Variants in SVEP1 observed in about 807,000 individuals in gnomAD.
The protein encoded by SVEP1 is sushi, von Willebrand factor type A, EGF and pentraxin domain containing 1, also known as sushi, von Willebrand factor type A, EGF and pentraxin domain-containing protein 1.
A neutral mutation model predicts 367.3 loss-of-function variants in SVEP1; 164 were observed. The observed-to-expected ratio is 0.45, with a 90% confidence interval of 0.39 to 0.51. The LOEUF (loss-of-function observed/expected upper bound fraction) is 0.51, where lower values mean the gene tolerates loss of function less well. Ranked by LOEUF, SVEP1 falls within the 20% of genes least tolerant of loss-of-function variation. The probability of loss-of-function intolerance (pLI) is 0.00; values close to 1 mark genes in which losing one functional copy is unlikely to be tolerated. For missense variants in SVEP1, 4,117 were observed against 4,425.3 expected, an observed-to-expected ratio of 0.93 and a Z score of 1.98; for synonymous variants, 1,666 against 1,611.6, an observed-to-expected ratio of 1.03 and a Z score of -0.81.
chr9:110,450,665 G>A (rs1486196209), intron 23 of SVEP1, among the ~76,000 whole-genome samples: 1 of 151,688 alleles, frequency 6.6e-6, no homozygotes, highest in Non-Finnish European at 1.5e-5. Context: ...AGTAGAGACA[G>A]GGTTTCACCA....
At chr9:110,504,463 G>A (rs1195956470) in intron 5 of SVEP1, among the ~76,000 whole-genome samples, 1 of 152,114 alleles carries the variant, frequency 6.6e-6, no homozygotes, top group Non-Finnish European at 1.5e-5. Flanking sequence ...AGGAATGGTA[G>A]CCCAGCATAC....
At chr9:110,551,096 C>G (rs182529355) in intron 1 of SVEP1, among the ~76,000 whole-genome samples, 2 of 151,990 alleles carry the variant, frequency 1.3e-5, no homozygotes, top group Non-Finnish European at 2.9e-5. Flanking sequence ...ATGTTTATTC[C>G]GCAAGAATTC....
At chr9:110,399,138 A>G (rs974972290) in intron 40 of SVEP1, among the ~76,000 whole-genome samples, 3 of 152,236 alleles carry the variant, frequency 2.0e-5, no homozygotes, top group African/African-American at 7.2e-5. Context: ...AATGTGGCAT[A>G]TATACACCAT....
chr9:110,453,755 G>C (rs1015614292), intron 22 of SVEP1, among the ~76,000 whole-genome samples: 22 of 151,990 alleles, frequency 1.4e-4, no homozygotes, highest in African/African-American at 5.1e-4. Flanking sequence ...TGTAGTCTCA[G>C]CTACTTGGGA....
chr9:110,474,634 G>C (rs1274307473), intron 14 of SVEP1, among the ~76,000 whole-genome samples: 1 of 152,108 alleles, frequency 6.6e-6, no homozygotes, highest in Non-Finnish European at 1.5e-5. Context: ...CAATCTGGGA[G>C]GGGAAACCTG....
At chr9:110,490,048 AT>A (rs1357505813) in intron 8 of SVEP1, among the ~76,000 whole-genome samples, 8 of 152,326 alleles carry the variant, frequency 5.3e-5, no homozygotes, top group Non-Finnish European at 1.0e-4. Context: ...AAAACTTAAG[AT>A]GACTCTTAAA....
At position 110,435,226 on chromosome 9, in the gene SVEP1, G is replaced by A. The variant is rs1828415199; in HGVS notation, c.4888+15C>T. On this transcript the variant is annotated intron_variant, in intron 29 of 47. Coordinates refer to ENST00000374469, the MANE Select transcript of SVEP1 (RefSeq NM_153366.4). ...TCAAGAGATAGTGGAGTCTATGAAAGAAGGAAATTCTCACCAGAACAAAAT... is the reference window on the plus strand; with the variant it reads ...TCAAGAGATAGTGGAGTCTATGAAAAAAGGAAATTCTCACCAGAACAAAAT... The A allele has an allele frequency of 6.2e-7, 1 of 1,611,306 alleles. No individual in the cohort carries two copies. Among genetic ancestry groups the A allele is most frequent in the South Asian group, 1.1e-5 (1 of 90,984 alleles).
intron 3 of SVEP1, among the ~76,000 whole-genome samples, chr9:110,537,121 C>A (rs369925821): frequency 6.6e-6 from 1 of 151,762 alleles, no homozygotes. Context: ...GATAGATAAC[C>A]GATGTTATTT....
At chr9:110,482,717 A>G (rs12115789) in intron 10 of SVEP1, among the ~76,000 whole-genome samples, 4,287 of 152,202 alleles carry the variant, frequency 0.028, 193 homozygotes, top group African/African-American at 0.098. Flanking sequence ...AGTTAGAGAC[A>G]GGGTTTCACC....
At chr9:110,528,156 G>GTGTGTGTATGTATATATATATA in intron 3 of SVEP1, among the ~76,000 whole-genome samples, 11 of 33,950 alleles carry the variant, frequency 3.2e-4, no homozygotes, top group Admixed American at 9.1e-4. Flanking sequence ...GTGTGTGTGT[G>GTGTGTGTATGTATATATATATA]TATATATATA....
chr9:110,457,470 T>G (rs1259128853), intron 20 of SVEP1, 118 bp from the exon 21 acceptor site: 4 of 766,256 alleles, frequency 5.2e-6, no homozygotes, highest in Non-Finnish European at 8.6e-6. Flanking sequence ...TCCAGGTAAG[T>G]TCACTCAAGC....
intron 1 of SVEP1, among the ~76,000 whole-genome samples, chr9:110,561,708 AAAC>A (rs1362889024): frequency 6.6e-6 from 1 of 152,226 alleles, no homozygotes; most frequent in African/African-American, 2.4e-5. Context: ...CATTAACTAA[AAAC>A]AAACAAAATA....
chr9:110,448,019 T>C (rs2036026368), intron 24 of SVEP1, among the ~76,000 whole-genome samples: 2 of 152,244 alleles, frequency 1.3e-5, no homozygotes, highest in South Asian at 2.1e-4. Flanking sequence ...ATGTAACATG[T>C]AACTTATATA....
Position 110,451,397 on chromosome 9 carries a change from G to A in SVEP1, c.3793C>T (p.Arg1265Trp), listed in dbSNP as rs183411145. Residue 1265 changes from arginine to tryptophan, a missense_variant, in exon 23 of 48, where the codon CGG (arginine) becomes TGG (tryptophan). Around this residue, in one of 4 missense-constraint regions of SVEP1, gnomAD observed 2,174 missense variants for 2,494.3 expected, o/e 0.87. Coordinates refer to ENST00000374469, the MANE Select transcript of SVEP1 (RefSeq NM_153366.4). ...CACTCATTTATATTTTCTTCACACC[G>A]CTGACCTGCAAAGAATCATTCATCT... Reference protein sequence around the residue: ...CECPSGYTGQRCEENINECSS... With the variant: ...CECPSGYTGQWCEENINECSS... 1.6e-5 allele frequency: 26 copies of A among 1,610,682 alleles called. No individual in the cohort carries two copies. Among genetic ancestry groups the A allele is most frequent in the East Asian group, 8.9e-5 (4 of 44,790 alleles).
chr9:110,578,877 T>G, intron 1 of SVEP1, 136 bp downstream of exon 1: 31 of 959,324 alleles, frequency 3.2e-5, no homozygotes, highest in Non-Finnish European at 4.6e-5. Context: ...ATGACTCTGG[T>G]TTTGTGGATG....
intron 18 of SVEP1, among the ~76,000 whole-genome samples, chr9:110,464,264 C>T (rs16915051): frequency 2.6e-5 from 4 of 152,212 alleles, no homozygotes; most frequent in African/African-American, 7.2e-5. Flanking sequence ...ATGGTTTATG[C>T]GTTTCAGTTA....
At chr9:110,389,021 A>C (rs1827572505) in intron 41 of SVEP1, among the ~76,000 whole-genome samples, 1 of 152,164 alleles carries the variant, frequency 6.6e-6, no homozygotes, top group South Asian at 2.1e-4. Context: ...TTTGGCAGAG[A>C]AGGGAATACT....
chr9:110,564,734 T>C (rs1588110794), intron 1 of SVEP1, among the ~76,000 whole-genome samples: 1 of 151,768 alleles, frequency 6.6e-6, no homozygotes. Flanking sequence ...CTGTTTCTTA[T>C]CTTTAAGAAA....
At chr9:110,402,989 T>C (rs1232848327) in intron 39 of SVEP1, among the ~76,000 whole-genome samples, 7 of 152,102 alleles carry the variant, frequency 4.6e-5, no homozygotes, top group Non-Finnish European at 1.5e-5. Flanking sequence ...TTATATCACA[T>C]TAGGTAATTT....
Sources: gnomAD v4.1 joint callset for allele counts (sites outside exome capture counted in the v4.1 genomes callset) on GRCh38, gnomAD v4.1.1 for gene constraint, gnomAD v4.1.1 regional missense constraint, MANE v1.5 for transcripts, NCBI Gene and HGNC (gene_info 2026-07-23, HGNC 2026-07-21) for gene names.